Variants in DVL2 observed in about 807,000 individuals in gnomAD.
The protein encoded by DVL2 is segment polarity protein dishevelled homolog DVL-2.
Under a neutral mutation model 69.8 loss-of-function variants are expected in DVL2, and 38 were observed. That is an observed-to-expected ratio of 0.54 (90% CI 0.42 to 0.71). DVL2 has a LOEUF of 0.71. Among genes scored for constraint, DVL2 ranks in the 30% least tolerant of loss-of-function variants. The pLI is 0.00. For missense variants in DVL2, 931 were observed against 1,008.1 expected, an observed-to-expected ratio of 0.92 and a Z score of 1.04; for synonymous variants, 428 against 392.4, an observed-to-expected ratio of 1.09 and a Z score of -1.07.
At chr17:7,232,649 A>T (rs2142993958) in intron 1 of DVL2, among the ~76,000 whole-genome samples, 1 of 152,360 alleles carries the variant, frequency 6.6e-6, no homozygotes, top group South Asian at 2.1e-4. Flanking sequence ...CATTGCTGAC[A>T]ACTAGAAAAA....
At chr17:7,230,555 T>TA in intron 2 of DVL2, 125 bp from the exon 3 acceptor site, 1 of 1,399,378 alleles carries the variant, frequency 7.1e-7, no homozygotes, top group South Asian at 1.3e-5. Flanking sequence ...TAGCAAGTAT[T>TA]AGAGACTCCA....
rs2071598188 is a variant in DVL2 at position 7,234,222 on chromosome 17, G to C, written c.41C>G (p.Thr14Arg). Residue 14 changes from threonine to arginine, a missense_variant, in exon 1 of 15, where the codon ACG becomes AGG. Thr to Arg is a moderately conservative substitution (Grantham distance 71). Around this residue, in one of 3 missense-constraint regions of DVL2, gnomAD observed 555 missense variants for 588.8 expected, o/e 0.94. Coordinates refer to ENST00000005340, the MANE Select transcript of DVL2 (RefSeq NM_004422.3). ...CTCATCCAGGTGGTAAATCACCTTC[G>C]TCTCCCCAACCCCACCGCCCCCAGT... is the stretch of plus-strand genomic sequence containing the variant. Reference protein sequence around the residue: ...SSTGGGGVGETKVIYHLDEEE... With the variant: ...SSTGGGGVGERKVIYHLDEEE... 1.2e-6 allele frequency: 2 copies of C among 1,613,812 alleles called. No homozygotes were observed. The highest frequency in any genetic ancestry group is 1.7e-6 in the Non-Finnish European group (2 of 1,179,976).
At chr17:7,228,219 T>A in intron 9 of DVL2, 175 bp from the exon 10 acceptor site, 1 of 560,644 alleles carries the variant, frequency 1.8e-6, no homozygotes. Flanking sequence ...CTCATCAACA[T>A]GGAAAACTCT....
At chr17:7,230,570 G>A (rs1479681698) in intron 2 of DVL2, 140 bp from the exon 3 acceptor site, 1 of 1,352,812 alleles carries the variant, frequency 7.4e-7, no homozygotes, top group Non-Finnish European at 1.0e-6. Flanking sequence ...ACTCCAGAAG[G>A]AGAAGGCTGA....
At position 7,229,487 on chromosome 17, in the gene DVL2, C is replaced by T; in HGVS notation, c.748-40G>A. On this transcript the variant is annotated intron_variant, in intron 6 of 14. Coordinates refer to ENST00000005340, the MANE Select transcript of DVL2 (RefSeq NM_004422.3). This position sits in a 1 kb window ranked among gnomAD's most constrained non-coding sequence, Gnocchi z 4.4. ...GGAGCCAGAGTGCCCTTCAATAACC[C>T]AGGGTCAACCCTGGGGTGCTGCCGG... 1 of 1,613,806 alleles carries T rather than the reference C, an allele frequency of 6.2e-7. No homozygotes were observed. Among genetic ancestry groups the T allele is most frequent in the Non-Finnish European group, 8.5e-7 (1 of 1,179,712 alleles).
Position 7,226,227 on chromosome 17 carries a change from C to CGGACTT in DVL2, c.1843_1848dup (p.Lys615_Ser616dup). ...GAGGGCTCAGACTCACTGCCACTGC[C>CGGACTT]GGACTTGGACTCGGGGGCCCGCTCC... On this transcript the variant is annotated inframe_insertion, in exon 15 of 15. Transcript: ENST00000005340. The CGGACTT allele has an allele frequency of 1.2e-6, 2 of 1,612,206 alleles. No individual in the cohort carries two copies. The highest frequency in any genetic ancestry group is 1.7e-6 in the Non-Finnish European group (2 of 1,179,712).
At chr17:7,230,611 G>A in intron 2 of DVL2, 117 bp downstream of exon 2, 1 of 1,315,780 alleles carries the variant, frequency 7.6e-7, no homozygotes, top group Non-Finnish European at 1.1e-6. Flanking sequence ...AAACAGACAG[G>A]AGGTAAAGAG....
chr17:7,229,783 T>C lies in DVL2; in HGVS notation c.656+25A>G, dbSNP rs766422648. 6.7e-5 allele frequency: 108 copies of C among 1,601,488 alleles called. No individual in the cohort carries two copies. The highest frequency in any genetic ancestry group is 1.7e-4 in the Middle Eastern group (1 of 6,052). Reference sequence around the variant, plus strand: ...GAAGACGAGACGGGGCTGGGTGCGCTGGGGAGAGCTGTGCGGAGCCACACC... The same window carrying C: ...GAAGACGAGACGGGGCTGGGTGCGCCGGGGAGAGCTGTGCGGAGCCACACC... On this transcript the variant is annotated intron_variant, in intron 5 of 14. Transcript: ENST00000005340. This position sits in a 1 kb window ranked among gnomAD's most constrained non-coding sequence, Gnocchi z 4.4.
Position 7,234,085 on chromosome 17 carries a change from T to C in DVL2, c.178A>G (p.Met60Val), listed in dbSNP as rs139652472. Residue 60 changes from methionine to valine, a missense_variant, in exon 1 of 15, where the codon ATG (methionine) becomes GTG (valine). Met to Val is a conservative substitution (Grantham distance 21). Transcript: ENST00000005340. ...TGCGCTCACCCGAAATCCTGATCCATAGACTTGAAAAAGTACTTGGCGCCC... is the reference window on the plus strand; with the variant it reads ...TGCGCTCACCCGAAATCCTGATCCACAGACTTGAAAAAGTACTTGGCGCCC... Reference protein sequence around the residue: ...PAGAKYFFKSMDQDFGVVKEE... With the variant: ...PAGAKYFFKSVDQDFGVVKEE... 10 of 1,613,936 alleles carry C rather than the reference T, an allele frequency of 6.2e-6. No homozygotes were observed. Among genetic ancestry groups the C allele is most frequent in the Middle Eastern group, 1.6e-4 (1 of 6,084 alleles).
Position 7,229,565 on chromosome 17 carries a change from G to A in DVL2, c.747+23C>T. ...CATGCCCCACCTTCTCCCAGCACCA[G>A]CCTTCCTGTAGGAACCCCTCACCCT... On this transcript the variant is annotated intron_variant, in intron 6 of 14. Coordinates refer to ENST00000005340, the MANE Select transcript of DVL2 (RefSeq NM_004422.3). This position sits in a 1 kb window ranked among gnomAD's most constrained non-coding sequence, Gnocchi z 4.4. 6.3e-7 allele frequency: 1 copy of A among 1,592,182 alleles called. No homozygotes were observed. Among genetic ancestry groups the A allele is most frequent in the Non-Finnish European group, 8.6e-7 (1 of 1,169,108 alleles).
At position 7,229,036 on chromosome 17, in the gene DVL2, T is replaced by C; in HGVS notation, c.967A>G (p.Met323Val). The change falls in exon 9 of 15, where the codon ATG becomes GTG. Residue 323 changes from methionine (M) to valine (V), a missense_variant. By Grantham distance (21) the Met-to-Val change is conservative. Transcript: ENST00000005340. This position sits in a 1 kb window ranked among gnomAD's most constrained non-coding sequence, Gnocchi z 4.4. ...PGDMLLQVNDMNFENMSNDDA... is the reference protein window; with the variant it reads ...PGDMLLQVNDVNFENMSNDDA... ...TCGTTGCTCATGTTCTCAAAGTTCA[T>C]GTCATTCACCTGGAAGCGACGGCAA... The C allele has an allele frequency of 1.2e-6, 2 of 1,614,152 alleles. No homozygotes were observed. Among genetic ancestry groups the C allele is most frequent in the Non-Finnish European group, 1.7e-6 (2 of 1,180,026 alleles).
At chr17:7,230,627 G>C in intron 2 of DVL2, 101 bp downstream of exon 2, 1 of 1,356,302 alleles carries the variant, frequency 7.4e-7, no homozygotes, top group Non-Finnish European at 1.0e-6. Context: ...AAGAGCCAGG[G>C]CTGCTAACGC....
At chr17:7,232,402 T>C (rs1047058391) in intron 1 of DVL2, among the ~76,000 whole-genome samples, 5 of 152,218 alleles carry the variant, frequency 3.3e-5, no homozygotes, top group Non-Finnish European at 2.9e-5. Flanking sequence ...CTCAGCATAA[T>C]GTAGGATTCT....
At chr17:7,233,149 A>T (rs914264768) in intron 1 of DVL2, among the ~76,000 whole-genome samples, 3 of 151,226 alleles carry the variant, frequency 2.0e-5, no homozygotes, top group African/African-American at 7.3e-5. Flanking sequence ...CAAAGACCAT[A>T]AACACAAAAG....
chr17:7,232,483 A>G (rs977058022), intron 1 of DVL2, among the ~76,000 whole-genome samples: 1 of 152,200 alleles, frequency 6.6e-6, no homozygotes, highest in Admixed American at 6.5e-5. Context: ...ACCATAACCT[A>G]CTTTACAGAG....
chr17:7,230,639 C>T (rs962294806), intron 2 of DVL2, 89 bp downstream of exon 2: 14 of 1,404,656 alleles, frequency 1.0e-5, no homozygotes, highest in Middle Eastern at 2.0e-4. Flanking sequence ...TGCTAACGCG[C>T]GGCCTGGGGA....
chr17:7,233,262 C>T (rs991513279), intron 1 of DVL2, among the ~76,000 whole-genome samples: 2 of 151,964 alleles, frequency 1.3e-5, no homozygotes, highest in Non-Finnish European at 2.9e-5. Context: ...GCCTACAATG[C>T]CCCCACACGC....
chr17:7,232,406 G>A (rs907121557), intron 1 of DVL2, among the ~76,000 whole-genome samples: 1 of 152,146 alleles, frequency 6.6e-6, no homozygotes, highest in Non-Finnish European at 1.5e-5. Context: ...GCATAATGTA[G>A]GATTCTTCCC....
chr17:7,230,201 C>G (rs745778832), intron 3 of DVL2, 46 bp from the exon 4 acceptor site: 3 of 1,610,502 alleles, frequency 1.9e-6, no homozygotes, highest in Non-Finnish European at 1.7e-6. Flanking sequence ...GAGAACAGGG[C>G]TCCGGATCCT....
Sources: gnomAD v4.1 joint callset for allele counts (sites outside exome capture counted in the v4.1 genomes callset) on GRCh38, gnomAD v4.1.1 for gene constraint, gnomAD v4.1.1 regional missense constraint, Gnocchi (gnomAD v3.1) non-coding constraint, MANE v1.5 for transcripts, NCBI Gene and HGNC (gene_info 2026-07-23, HGNC 2026-07-21) for gene names.